The following GOLGA4 variants were observed in gnomAD, a reference collection of about 807,000 sequenced individuals.
The protein encoded by GOLGA4 is golgin subfamily A member 4.
GOLGA4 carries 169 observed loss-of-function variants against 265.9 expected under a neutral mutation model. The ratio of observed to expected loss-of-function variants is 0.64; its 90% confidence interval spans 0.56 to 0.72. GOLGA4 has a LOEUF of 0.72. Among genes scored for constraint, GOLGA4 ranks in the 30% least tolerant of loss-of-function variants. GOLGA4 has a pLI of 0.00. For missense variants in GOLGA4, 2,482 were observed against 2,483.4 expected (o/e 1.00, Z 0.01); for synonymous variants, 923 against 855.8 (o/e 1.08, Z -1.37).
intron 2 of GOLGA4, among the ~76,000 whole-genome samples, chr3:37,266,093 A>G (rs902438079): frequency 1.3e-5 from 2 of 151,134 alleles, no homozygotes; most frequent in Non-Finnish European, 2.9e-5. Context: ...GCACTATGCT[A>G]TAGAGAAGAT....
chr3:37,302,457 A>G, intron 10 of GOLGA4, 125 bp downstream of exon 10: 1 of 813,374 alleles, frequency 1.2e-6, no homozygotes. Context: ...TCCTAATAAG[A>G]CACCCATCTG....
chr3:37,307,667 G>A (rs2096910575), intron 10 of GOLGA4, among the ~76,000 whole-genome samples: 2 of 151,524 alleles, frequency 1.3e-5, no homozygotes, highest in South Asian at 2.1e-4. Context: ...TAGATTTTAA[G>A]TATGCCATGT....
At chr3:37,264,245 G>A (rs2096777655) in intron 2 of GOLGA4, among the ~76,000 whole-genome samples, 1 of 152,114 alleles carries the variant, frequency 6.6e-6, no homozygotes, top group Non-Finnish European at 1.5e-5. Context: ...AATTAACTTT[G>A]GAAGTCTAAG....
At chr3:37,320,942 T>G (rs1299856591) in intron 12 of GOLGA4, among the ~76,000 whole-genome samples, 1 of 152,244 alleles carries the variant, frequency 6.6e-6, no homozygotes, top group Non-Finnish European at 1.5e-5. Flanking sequence ...AGTATTTTCT[T>G]ATCAACCTAC....
chr3:37,346,518 T>A (rs527886830), intron 20 of GOLGA4, among the ~76,000 whole-genome samples: 2 of 152,328 alleles, frequency 1.3e-5, no homozygotes, highest in East Asian at 3.8e-4. Flanking sequence ...CAATGCTGAA[T>A]TTAATAATAA....
At chr3:37,298,038 A>C (rs2096883166) in intron 7 of GOLGA4, among the ~76,000 whole-genome samples, 1 of 152,058 alleles carries the variant, frequency 6.6e-6, no homozygotes, top group Non-Finnish European at 1.5e-5. Flanking sequence ...CAAAAAAAAA[A>C]AGAGGGAATA....
chr3:37,319,199 G>C lies in GOLGA4; in HGVS notation c.1545+5G>C, dbSNP rs1175627726. 6.3e-7 allele frequency: 1 copy of C among 1,595,010 alleles called. No individual in the cohort carries two copies. On this transcript the variant is annotated splice_donor_5th_base_variant and intron_variant, in intron 12 of 23. Transcript: ENST00000361924. ...GAACAAATGAAAGTAGCTCTTGTAAGTGACTATTTTTTTTTTTCTGCTATA... is the reference window on the plus strand; with the variant it reads ...GAACAAATGAAAGTAGCTCTTGTAACTGACTATTTTTTTTTTTCTGCTATA...
At chr3:37,329,193 A>G in intron 16 of GOLGA4, 100 bp downstream of exon 16, 1 of 1,010,158 alleles carries the variant, frequency 9.9e-7, no homozygotes, top group Non-Finnish European at 1.4e-6. Flanking sequence ...TTTTGAACGA[A>G]AAGGGTTTTT....
Position 37,326,736 on chromosome 3 carries a change from G to A in GOLGA4, c.4850G>A (p.Ser1617Asn), listed in dbSNP as rs1559437488. 6.2e-7 allele frequency: 1 copy of A among 1,613,648 alleles called. No individual in the cohort carries two copies. Among genetic ancestry groups the A allele is most frequent in the Non-Finnish European group, 8.5e-7 (1 of 1,179,690 alleles). Residue 1617 changes from serine to asparagine, a missense_variant, in exon 14 of 24, where the codon AGC (serine) becomes AAC (asparagine). Transcript: ENST00000361924. ...GAACATGTGAATTTAAGTGTGAAAA[G>A]CAAAGAGGAGGAGTTAAAGGCATTG... Reference protein sequence around the residue: ...ELEHVNLSVKSKEEELKALED... With the variant: ...ELEHVNLSVKNKEEELKALED...
chr3:37,322,919 A>C (rs962770311), intron 13 of GOLGA4, among the ~76,000 whole-genome samples: 1 of 152,006 alleles, frequency 6.6e-6, no homozygotes, highest in Non-Finnish European at 1.5e-5. Flanking sequence ...ATAAAATACT[A>C]TGTAGGCCTT....
chr3:37,285,984 T>C (rs1351198826), intron 3 of GOLGA4, 30 bp from the exon 4 acceptor site: 2 of 1,335,972 alleles, frequency 1.5e-6, no homozygotes, highest in Non-Finnish European at 2.1e-6. Flanking sequence ...TATTTAGGAA[T>C]GACTAATGTT....
chr3:37,327,088 T>G lies in GOLGA4; in HGVS notation c.5202T>G (p.Tyr1734Ter). ...CCCAAGGCTGTGTGCAGAAGACATATGAAGAAAAAATCAGTGTTTTACAAA... is the reference window on the plus strand; with the variant it reads ...CCCAAGGCTGTGTGCAGAAGACATAGGAAGAAAAAATCAGTGTTTTACAAA... ...ADSQGCVQKTYEEKISVLQRN... is the reference protein window; with the variant it reads ...ADSQGCVQKT The change falls in exon 14 of 24, where the codon TAT (tyrosine) becomes TAG (stop). Residue 1734 changes from tyrosine (Y) to a stop codon, truncating the protein, a stop_gained. Coordinates refer to ENST00000361924, the MANE Select transcript of GOLGA4 (RefSeq NM_002078.5). LOFTEE classifies it high-confidence loss of function. 3 of 1,613,484 alleles carry G rather than the reference T, an allele frequency of 1.9e-6. No individual in the cohort carries two copies. Among genetic ancestry groups the G allele is most frequent in the Non-Finnish European group, 2.5e-6 (3 of 1,179,766 alleles).
At chr3:37,255,953 A>T (rs2096747489) in intron 2 of GOLGA4, among the ~76,000 whole-genome samples, 1 of 152,012 alleles carries the variant, frequency 6.6e-6, no homozygotes, top group East Asian at 1.9e-4. Flanking sequence ...AACACTTAAC[A>T]CTTAAAATAA....
intron 10 of GOLGA4, 58 bp from the exon 11 acceptor site, chr3:37,315,362 A>C (rs1203439357): frequency 1.8e-5 from 26 of 1,433,952 alleles, no homozygotes; most frequent in Middle Eastern, 2.0e-4. Context: ...AATGTAAAAC[A>C]CTTTAGCTCA....
intron 21 of GOLGA4, among the ~76,000 whole-genome samples, chr3:37,349,174 A>G (rs530863277): frequency 6.4e-4 from 98 of 152,300 alleles, no homozygotes; most frequent in African/African-American, 2.3e-3. Context: ...GTTGCTGCAC[A>G]TTTATTGAGC....
At chr3:37,286,119 TATAGTAAG>T in intron 4 of GOLGA4, 58 bp downstream of exon 4, 1 of 717,692 alleles carries the variant, frequency 1.4e-6, no homozygotes, top group Non-Finnish European at 2.5e-6. Context: ...AAAGATCTTA[TATAGTAAG>T]ATATTTCTTT....
chr3:37,276,057 C>T (rs1321543824), intron 2 of GOLGA4: 5 of 1,612,464 alleles, frequency 3.1e-6, no homozygotes, highest in Non-Finnish European at 4.2e-6. Context: ...GAGACAAATG[C>T]TCGAGATACT....
chr3:37,315,248 C>T (rs543923033), intron 10 of GOLGA4, among the ~76,000 whole-genome samples, 172 bp from the exon 11 acceptor site: 3 of 152,312 alleles, frequency 2.0e-5, no homozygotes, highest in East Asian at 1.9e-4. Flanking sequence ...GGTGACCGAA[C>T]GTTTCTTGTG....
intron 2 of GOLGA4, among the ~76,000 whole-genome samples, chr3:37,252,961 G>C (rs2096738103): frequency 1.3e-5 from 2 of 152,196 alleles, no homozygotes; most frequent in South Asian, 4.1e-4. Context: ...GAAGTTCTTA[G>C]TTTTAGGCCA....
Sources: allele counts gnomAD v4.1 joint callset (sites outside exome capture counted in the v4.1 genomes callset), GRCh38; gene constraint gnomAD v4.1.1; transcripts MANE v1.5; gene names NCBI Gene and HGNC (gene_info 2026-07-23, HGNC 2026-07-21).